The following CFAP299 variants were observed in gnomAD, a reference collection of about 807,000 sequenced individuals.
CFAP299 encodes the protein cilia- and flagella-associated protein 299.
CFAP299 carries 21 observed loss-of-function variants against 27.0 expected under a neutral mutation model. The observed-to-expected ratio is 0.78, with a 90% CI of 0.55 to 1.12. The LOEUF (loss-of-function observed/expected upper bound fraction) is 1.12. Ranked by LOEUF, CFAP299 falls within the 50% of genes most tolerant of loss-of-function variation. The pLI, the probability that CFAP299 is intolerant of heterozygous loss-of-function variation, is 0.00. For synonymous variants in CFAP299, 104 were observed against 98.1 expected (o/e 1.06, Z -0.36); for missense variants, 310 against 276.6 (o/e 1.12, Z -0.86).
chr4:80,773,290 G>A (rs72866741), intron 3 of CFAP299, among the ~76,000 whole-genome samples: 1,620 of 152,138 alleles, frequency 0.011, 29 homozygotes, highest in African/African-American at 0.036. Flanking sequence ...TATAAAACAG[G>A]GACTAGATTA....
intron 1 of CFAP299, among the ~76,000 whole-genome samples, chr4:80,347,124 G>A (rs908879171): frequency 4.6e-5 from 7 of 152,108 alleles, no homozygotes; most frequent in African/African-American, 1.7e-4. Context: ...CATTGATTTT[G>A]TATCCTGAGA....
intron 3 of CFAP299, among the ~76,000 whole-genome samples, chr4:80,724,900 T>C (rs1336695067): frequency 6.6e-6 from 1 of 150,792 alleles, no homozygotes; most frequent in Non-Finnish European, 1.5e-5. Flanking sequence ...TTTCTTTCTT[T>C]CTTTTTCTTT....
chr4:80,457,562 A>G (rs1244591098), intron 2 of CFAP299, among the ~76,000 whole-genome samples: 1 of 152,134 alleles, frequency 6.6e-6, no homozygotes, highest in African/African-American at 2.4e-5. Context: ...CATCTCTCTC[A>G]TTCTTCCCAT....
At position 80,739,692 on chromosome 4, in the gene CFAP299, A is replaced by G. The variant is rs539550944; in HGVS notation, c.334-130301A>G. Among the ~76,000 whole-genome samples the G allele has an allele frequency of 1.3e-4, 20 of 151,676 alleles. No homozygotes were observed. In the East Asian group the frequency reaches 3.7e-3, roughly 28 times the overall value. ...TGGGTTAAATCTGTGTGGTGTTTCT[A>G]TAAGCTTCTTGTCCTTAAATGTTGA... On this transcript the variant is annotated intron_variant, in intron 3 of 5. Coordinates refer to ENST00000358105, the MANE Select transcript of CFAP299 (RefSeq NM_152770.3).
chr4:80,850,004 T>C (rs1353676321), intron 3 of CFAP299, among the ~76,000 whole-genome samples: 1 of 152,042 alleles, frequency 6.6e-6, no homozygotes, highest in African/African-American at 2.4e-5. Context: ...TTATTATGTG[T>C]CAATTAAACA....
chr4:80,889,405 A>G (rs969123744), intron 4 of CFAP299, among the ~76,000 whole-genome samples: 1 of 152,026 alleles, frequency 6.6e-6, no homozygotes, highest in African/African-American at 2.4e-5. Flanking sequence ...CTAGACATAT[A>G]TGACCTACCA....
chr4:80,732,432 G>T (rs545891695), intron 3 of CFAP299, among the ~76,000 whole-genome samples: 1 of 152,152 alleles, frequency 6.6e-6, no homozygotes, highest in Admixed American at 6.6e-5. Flanking sequence ...TCTCATACAA[G>T]GGTTAGGTAG....
intron 4 of CFAP299, among the ~76,000 whole-genome samples, chr4:80,907,786 A>G (rs1351512004): frequency 6.6e-6 from 1 of 152,122 alleles, no homozygotes; most frequent in Non-Finnish European, 1.5e-5. Flanking sequence ...TCAAGGTGAG[A>G]TTTGGATTGG....
intron 3 of CFAP299, among the ~76,000 whole-genome samples, chr4:80,590,096 G>T (rs554785234): frequency 2.7e-4 from 41 of 152,098 alleles, no homozygotes; most frequent in Middle Eastern, 3.4e-3. Context: ...TATTATACAG[G>T]AATTAATGCA....
At chr4:80,952,738 A>G (rs1252712698) in intron 5 of CFAP299, among the ~76,000 whole-genome samples, 1 of 152,064 alleles carries the variant, frequency 6.6e-6, no homozygotes, top group Non-Finnish European at 1.5e-5. Context: ...AGAGTCCAGC[A>G]ACATCTTCTC....
chr4:80,747,505 T>C (rs1724690688), intron 3 of CFAP299, among the ~76,000 whole-genome samples: 1 of 152,072 alleles, frequency 6.6e-6, no homozygotes, highest in Admixed American at 6.6e-5. Context: ...CTGAAAACAA[T>C]TTTGACTTTC....
At chr4:80,740,617 A>C (rs975998171) in intron 3 of CFAP299, among the ~76,000 whole-genome samples, 3 of 152,178 alleles carry the variant, frequency 2.0e-5, no homozygotes, top group Non-Finnish European at 4.4e-5. Context: ...ACTTCAGGGT[A>C]GTGAGTTCCC....
chr4:80,328,566 C>T, the CFAP299 span, among the ~76,000 whole-genome samples: 14 of 151,224 alleles, frequency 9.3e-5, no homozygotes, highest in Non-Finnish European at 1.6e-4. Context: ...AGGAAGATGA[C>T]AATTTTGAAT....
intron 2 of CFAP299, among the ~76,000 whole-genome samples, chr4:80,560,557 C>G (rs1252923947): frequency 3.9e-5 from 6 of 151,962 alleles, no homozygotes; most frequent in African/African-American, 9.7e-5. Context: ...ATTTCTGAAC[C>G]TGCCCTAGGC....
At chr4:80,438,816 A>G (rs1425468495) in intron 2 of CFAP299, among the ~76,000 whole-genome samples, 2 of 152,252 alleles carry the variant, frequency 1.3e-5, no homozygotes, top group African/African-American at 4.8e-5. Context: ...GTATTAAGTC[A>G]TTCCATACAA....
intron 2 of CFAP299, among the ~76,000 whole-genome samples, chr4:80,384,962 T>G (rs1010739278): frequency 3.3e-5 from 5 of 152,190 alleles, no homozygotes; most frequent in African/African-American, 1.2e-4. Flanking sequence ...ATGTATTTAA[T>G]TTGCTTCATT....
intron 2 of CFAP299, among the ~76,000 whole-genome samples, chr4:80,420,576 A>C (rs1727244330): frequency 6.6e-6 from 1 of 152,134 alleles, no homozygotes; most frequent in Admixed American, 6.5e-5. Context: ...CTTTTTAAGA[A>C]ATGTCTATTC....
At chr4:80,463,223 C>T (rs1729538188) in intron 2 of CFAP299, among the ~76,000 whole-genome samples, 1 of 151,876 alleles carries the variant, frequency 6.6e-6, no homozygotes, top group Non-Finnish European at 1.5e-5. Flanking sequence ...AAGGAAACAT[C>T]AGCCTAAACA....
chr4:80,324,572 T>TCA, the CFAP299 span, among the ~76,000 whole-genome samples: 1 of 152,174 alleles, frequency 6.6e-6, no homozygotes, highest in Non-Finnish European at 1.5e-5. Flanking sequence ...CCTTATATTG[T>TCA]CACAGACTCA....
Sources: gnomAD v4.1 joint callset for allele counts (sites outside exome capture counted in the v4.1 genomes callset) on GRCh38, gnomAD v4.1.1 for gene constraint, MANE v1.5 for transcripts, NCBI Gene and HGNC (gene_info 2026-07-23, HGNC 2026-07-21) for gene names.